DYNC1I1: variants seen among roughly 807,000 people sequenced by gnomAD.
The protein encoded by DYNC1I1 is dynein cytoplasmic 1 intermediate chain 1.
DYNC1I1 carries 43 observed loss-of-function variants against 86.6 expected under a neutral mutation model. The observed-to-expected ratio is 0.50, with a 90% CI of 0.39 to 0.64. The LOEUF is 0.64. Ranked by LOEUF, DYNC1I1 falls within the 30% of genes least tolerant of loss-of-function variation. The pLI, the probability that DYNC1I1 is intolerant of heterozygous loss-of-function variation, is 0.00. For missense variants in DYNC1I1, 604 were observed against 788.8 expected (o/e 0.77, Z 2.81); for synonymous variants, 262 against 283.7 (o/e 0.92, Z 0.77).
At chr7:96,036,107 A>G (rs914311579) in intron 13 of DYNC1I1, among the ~76,000 whole-genome samples, 2 of 152,154 alleles carry the variant, frequency 1.3e-5, no homozygotes, top group African/African-American at 4.8e-5. Context: ...GAGTTTGCAT[A>G]CTCAACTTCT....
At chr7:95,891,840 C>T (rs779971618) in intron 6 of DYNC1I1, among the ~76,000 whole-genome samples, 6 of 152,268 alleles carry the variant, frequency 3.9e-5, no homozygotes, top group Admixed American at 6.5e-5. Context: ...ACCTTCTTCA[C>T]GCATTTGTTC....
Position 95,843,330 on chromosome 7 carries a change from C to T in DYNC1I1, c.374+15214C>T, listed in dbSNP as rs1789339126. Among the ~76,000 whole-genome samples, 7 of 152,130 alleles carry T rather than the reference C, an allele frequency of 4.6e-5. No homozygotes were observed. In the South Asian group the frequency reaches 1.2e-3, roughly 27 times the overall value. ...CGTATTTTCCTGTGAATTCTAACTGCCTGGTCTCCCTGGACTCTCAACTCT... is the reference window on the plus strand; with the variant it reads ...CGTATTTTCCTGTGAATTCTAACTGTCTGGTCTCCCTGGACTCTCAACTCT... On this transcript the variant is annotated intron_variant, in intron 5 of 16. Transcript: ENST00000447467.
At chr7:95,826,393 G>A (rs1371213064) in intron 4 of DYNC1I1, among the ~76,000 whole-genome samples, 1 of 152,200 alleles carries the variant, frequency 6.6e-6, no homozygotes. Context: ...TAGATAGAGT[G>A]ATTGTGGCAG....
intron 5 of DYNC1I1, among the ~76,000 whole-genome samples, chr7:95,845,625 C>T (rs906578034): frequency 6.6e-6 from 1 of 152,218 alleles, no homozygotes; most frequent in African/African-American, 2.4e-5. Context: ...CAGTAACACT[C>T]AATCACACTT....
intron 6 of DYNC1I1, among the ~76,000 whole-genome samples, chr7:95,958,405 A>G (rs1303549310): frequency 1.3e-5 from 2 of 152,188 alleles, no homozygotes; most frequent in Non-Finnish European, 2.9e-5. Flanking sequence ...AGCCTGGGCA[A>G]CACAGTGAGA....
intron 6 of DYNC1I1, among the ~76,000 whole-genome samples, chr7:95,885,417 T>C (rs1307781889): frequency 6.6e-6 from 1 of 152,186 alleles, no homozygotes; most frequent in Non-Finnish European, 1.5e-5. Context: ...CCTCAAGTGA[T>C]CCATTCGCCT....
chr7:95,772,910 C>T (rs1279615738), intron 1 of DYNC1I1, 137 bp downstream of exon 1: 1 of 152,700 alleles, frequency 6.5e-6, no homozygotes, highest in East Asian at 1.9e-4. Context: ...GACCCTTGTC[C>T]TGGCCCCCTG....
At chr7:96,102,331 T>C (rs1335001238), downstream of DYNC1I1, among the ~76,000 whole-genome samples, 1 of 152,194 alleles carries the variant, frequency 6.6e-6, no homozygotes, top group East Asian at 1.9e-4. Context: ...CTATGCAGAA[T>C]AAGCAAGAAT....
At chr7:95,925,114 A>G (rs1319999911) in intron 6 of DYNC1I1, among the ~76,000 whole-genome samples, 2 of 152,164 alleles carry the variant, frequency 1.3e-5, no homozygotes, top group African/African-American at 4.8e-5. Context: ...TCTGCTCACC[A>G]TCCCATCCCT....
At chr7:95,997,681 C>T (rs1032118236) in intron 10 of DYNC1I1, among the ~76,000 whole-genome samples, 3 of 149,196 alleles carry the variant, frequency 2.0e-5, no homozygotes, top group Admixed American at 1.3e-4. Context: ...TAGTTTCTCC[C>T]TTAATGATCC....
chr7:95,851,854 G>T (rs1336367273), intron 5 of DYNC1I1, among the ~76,000 whole-genome samples: 1 of 152,106 alleles, frequency 6.6e-6, no homozygotes, highest in Non-Finnish European at 1.5e-5. Flanking sequence ...AGTGGAGACG[G>T]GGTTTCTCCA....
intron 6 of DYNC1I1, among the ~76,000 whole-genome samples, chr7:95,949,010 TC>T (rs759211214): frequency 2.3e-4 from 35 of 152,276 alleles, no homozygotes; most frequent in Non-Finnish European, 4.7e-4. Context: ...GGCCAAGTCT[TC>T]CCAGGTCCCA....
At chr7:96,012,069 T>C (rs1406885523) in intron 10 of DYNC1I1, among the ~76,000 whole-genome samples, 1 of 152,162 alleles carries the variant, frequency 6.6e-6, no homozygotes, top group Non-Finnish European at 1.5e-5. Context: ...GGAGGAGGGT[T>C]GGGGACAGTG....
chr7:96,044,243 A>T lies in DYNC1I1; in HGVS notation c.1509+4822A>T, dbSNP rs1789141361. On this transcript the variant is annotated intron_variant, in intron 14 of 16. Coordinates refer to ENST00000447467, the MANE Select transcript of DYNC1I1 (RefSeq NM_001135556.2). ...ATTTTCTATAATAAAGAACCTTTAA[A>T]AGGCAGAAAAAGCAATTAGTAATAA... Among the ~76,000 whole-genome samples, 3 of 152,280 alleles carry T rather than the reference A, an allele frequency of 2.0e-5. No individual in the cohort carries two copies. In the South Asian group the frequency reaches 6.2e-4, roughly 32 times the overall value.
intron 10 of DYNC1I1, among the ~76,000 whole-genome samples, 159 bp downstream of exon 10, chr7:95,996,232 G>T (rs1793864423): frequency 6.6e-6 from 1 of 152,156 alleles, no homozygotes; most frequent in African/African-American, 2.4e-5. Flanking sequence ...AATGTTTTGG[G>T]AAAGTGGCAA....
intron 6 of DYNC1I1, 97 bp downstream of exon 6, chr7:95,870,095 T>C: frequency 9.6e-7 from 1 of 1,038,030 alleles, no homozygotes; most frequent in Non-Finnish European, 1.4e-6. Flanking sequence ...ATAAGAGCTC[T>C]TCATGGGATA....
intron 1 of DYNC1I1, among the ~76,000 whole-genome samples, chr7:95,784,227 G>C (rs947575656): frequency 6.6e-6 from 1 of 151,998 alleles, no homozygotes; most frequent in Non-Finnish European, 1.5e-5. Flanking sequence ...GGTCTATCGG[G>C]GGTACATTTC....
At chr7:96,024,005 C>A (rs577398106) in intron 10 of DYNC1I1, among the ~76,000 whole-genome samples, 1 of 152,198 alleles carries the variant, frequency 6.6e-6, no homozygotes, top group African/African-American at 2.4e-5. Flanking sequence ...GTAACACTGT[C>A]TTTGTGTTAT....
chr7:95,933,999 A>C (rs187026135), intron 6 of DYNC1I1, among the ~76,000 whole-genome samples: 4 of 152,116 alleles, frequency 2.6e-5, no homozygotes, highest in Non-Finnish European at 4.4e-5. Flanking sequence ...CATTCTATAC[A>C]GTAGTATAGA....
Sources: gnomAD v4.1 joint callset for allele counts (sites outside exome capture counted in the v4.1 genomes callset) on GRCh38, gnomAD v4.1.1 for gene constraint, MANE v1.5 for transcripts, NCBI Gene and HGNC (gene_info 2026-07-23, HGNC 2026-07-21) for gene names.